MARCHF1: variants seen among roughly 807,000 people sequenced by gnomAD.
MARCHF1 encodes membrane associated ring-CH-type finger 1, also known as E3 ubiquitin-protein ligase MARCHF1.
In MARCHF1, 40 loss-of-function variants were observed where a neutral mutation model predicts 54.2. The ratio of observed to expected loss-of-function variants is 0.74; its 90% CI spans 0.57 to 0.96. The LOEUF (loss-of-function observed/expected upper bound fraction) is 0.96. Ranked by LOEUF, MARCHF1 falls within the 40% of genes least tolerant of loss-of-function variation. The probability of loss-of-function intolerance (pLI) is 0.00; values close to 1 mark genes in which losing one functional copy is unlikely to be tolerated. For synonymous variants in MARCHF1, 236 were observed against 236.3 expected (o/e 1.00, Z 0.01); for missense variants, 586 against 656.5 (o/e 0.89, Z 1.17).
intron 4 of MARCHF1, among the ~76,000 whole-genome samples, chr4:163,772,179 A>G (rs1318782329): frequency 6.6e-6 from 1 of 152,128 alleles, no homozygotes; most frequent in Non-Finnish European, 1.5e-5. Flanking sequence ...AGCATATTCA[A>G]TTCCTATAAG....
intron 3 of MARCHF1, among the ~76,000 whole-genome samples, chr4:163,854,699 A>T (rs1478972951): frequency 6.6e-6 from 1 of 152,224 alleles, no homozygotes; most frequent in Non-Finnish European, 1.5e-5. Context: ...TACTGCAAGT[A>T]TAATAAATTA....
At chr4:163,769,840 G>A (rs1380997619) in intron 4 of MARCHF1, among the ~76,000 whole-genome samples, 1 of 152,086 alleles carries the variant, frequency 6.6e-6, no homozygotes, top group Admixed American at 6.6e-5. Context: ...GAGTGAATGT[G>A]TATACAATTG....
At chr4:163,831,371 G>T (rs1428365122) in intron 4 of MARCHF1, among the ~76,000 whole-genome samples, 1 of 152,166 alleles carries the variant, frequency 6.6e-6, no homozygotes, top group Non-Finnish European at 1.5e-5. Context: ...GTAACTCGAG[G>T]CCAGGACTTC....
intron 1 of MARCHF1, among the ~76,000 whole-genome samples, chr4:164,271,720 C>T (rs1364910786): frequency 2.0e-5 from 3 of 152,042 alleles, no homozygotes; most frequent in African/African-American, 7.2e-5. Context: ...ATACTTAAAA[C>T]ATTTAGATTA....
intron 2 of MARCHF1, among the ~76,000 whole-genome samples, chr4:164,080,114 G>A (rs151161429): frequency 3.3e-5 from 5 of 152,208 alleles, no homozygotes; most frequent in African/African-American, 1.2e-4. Context: ...TCAAGTAAGC[G>A]CTCTGGCTAT....
chr4:164,118,002 T>C (rs1755975783), intron 1 of MARCHF1, among the ~76,000 whole-genome samples: 1 of 151,904 alleles, frequency 6.6e-6, no homozygotes, highest in Admixed American at 6.6e-5. Context: ...AATGATAGAA[T>C]ACAGATAACA....
chr4:163,826,164 T>C (rs1748841959), intron 4 of MARCHF1, among the ~76,000 whole-genome samples: 1 of 152,070 alleles, frequency 6.6e-6, no homozygotes, highest in African/African-American at 2.4e-5. Flanking sequence ...TTTACTTACC[T>C]ATTAATTTAC....
At chr4:164,078,541 T>A (rs1242730007) in intron 2 of MARCHF1, among the ~76,000 whole-genome samples, 6 of 151,964 alleles carry the variant, frequency 3.9e-5, no homozygotes, top group African/African-American at 1.4e-4. Flanking sequence ...TAAATAATTT[T>A]TTTTTAAAAA....
chr4:163,976,849 T>G (rs956058711), intron 3 of MARCHF1, among the ~76,000 whole-genome samples: 4 of 152,178 alleles, frequency 2.6e-5, no homozygotes, highest in Non-Finnish European at 5.9e-5. Flanking sequence ...TTCTATGCAG[T>G]GCATTTCAGT....
intron 5 of MARCHF1, among the ~76,000 whole-genome samples, chr4:163,679,425 C>G (rs187237164): frequency 2.0e-5 from 3 of 152,222 alleles, no homozygotes; most frequent in Admixed American, 6.5e-5. Flanking sequence ...ATCTTCATCC[C>G]GGTAATAAAG....
At chr4:164,295,463 C>G (rs914349900) in intron 1 of MARCHF1, among the ~76,000 whole-genome samples, 1 of 152,012 alleles carries the variant, frequency 6.6e-6, no homozygotes. Flanking sequence ...CACACACACA[C>G]ACACAACATA....
chr4:164,345,614 T>TAATAATAAA (rs1212113701), intron 1 of MARCHF1, among the ~76,000 whole-genome samples: 1 of 133,292 alleles, frequency 7.5e-6, no homozygotes, highest in African/African-American at 2.7e-5. Context: ...ATAATAATAA[T>TAATAATAAA]AAATTTAAAA....
intron 2 of MARCHF1, among the ~76,000 whole-genome samples, chr4:164,025,854 T>A (rs770024959): frequency 6.6e-6 from 1 of 151,806 alleles, no homozygotes; most frequent in Non-Finnish European, 1.5e-5. Flanking sequence ...GAAAAAAATA[T>A]TTAAATAAGT....
intron 1 of MARCHF1, among the ~76,000 whole-genome samples, chr4:164,371,045 A>G (rs1002136011): frequency 6.6e-6 from 1 of 152,240 alleles, no homozygotes; most frequent in Non-Finnish European, 1.5e-5. Context: ...TAATGTTAAA[A>G]GGATTAAAGA....
At chr4:163,763,613 T>C (rs1746893161) in intron 4 of MARCHF1, among the ~76,000 whole-genome samples, 1 of 151,986 alleles carries the variant, frequency 6.6e-6, no homozygotes, top group Admixed American at 6.6e-5. Flanking sequence ...CCTTACGAAC[T>C]TCTAAGAAAA....
At chr4:163,819,480 T>C (rs1034094298) in intron 4 of MARCHF1, among the ~76,000 whole-genome samples, 3 of 152,036 alleles carry the variant, frequency 2.0e-5, no homozygotes, top group Non-Finnish European at 4.4e-5. Context: ...AATTAGTAAT[T>C]CCCAAACTTA....
intron 1 of MARCHF1, among the ~76,000 whole-genome samples, chr4:164,313,348 C>CAAAAAAAAAAAAAAAAAAAA (rs553280791): frequency 2.5e-5 from 2 of 80,234 alleles, no homozygotes; most frequent in African/African-American, 9.4e-5. Context: ...GACTCTGTCT[C>CAAAAAAAAAAAAAAAAAAAA]AAAAAAAAAA....
intron 2 of MARCHF1, among the ~76,000 whole-genome samples, chr4:164,068,285 C>T (rs1231334531): frequency 6.6e-6 from 1 of 152,178 alleles, no homozygotes; most frequent in Non-Finnish European, 1.5e-5. Context: ...TCTTGGCACC[C>T]ACTCTGGCCA....
At chr4:163,930,599 G>A (rs1217792881) in intron 3 of MARCHF1, among the ~76,000 whole-genome samples, 1 of 150,658 alleles carries the variant, frequency 6.6e-6, no homozygotes, top group Non-Finnish European at 1.5e-5. Context: ...TCTATCCAAT[G>A]CCTGTTCCAC....
Sources: gnomAD v4.1 joint callset for allele counts (sites outside exome capture counted in the v4.1 genomes callset) on GRCh38, gnomAD v4.1.1 for gene constraint, MANE v1.5 for transcripts, NCBI Gene and HGNC (gene_info 2026-07-23, HGNC 2026-07-21) for gene names.